The following MID1 variants were observed in gnomAD, a reference collection of about 807,000 sequenced individuals.
The protein encoded by MID1 is E3 ubiquitin-protein ligase Midline-1.
Under a neutral mutation model 40.4 loss-of-function variants are expected in MID1, and 7 were observed. The observed-to-expected ratio is 0.17, with a 90% confidence interval of 0.10 to 0.33. The LOEUF (loss-of-function observed/expected upper bound fraction) is 0.33. Among genes scored for constraint, MID1 ranks in the 10% least tolerant of loss-of-function variants. The probability of loss-of-function intolerance (pLI) is 1.00; values close to 1 mark genes in which losing one functional copy is unlikely to be tolerated. For synonymous variants in MID1, 229 were observed against 221.2 expected (o/e 1.04, Z -0.31); for missense variants, 367 against 558.5 (o/e 0.66, Z 3.46).
chrX:10,567,794 A>G (rs1276487543), intron 1 of MID1, among the ~76,000 whole-genome samples, 191 bp from the exon 2 acceptor site: 4 of 111,378 alleles, frequency 3.6e-5, no homozygotes, highest in Non-Finnish European at 7.5e-5. Context: ...ATCATATACC[A>G]GTTAACATTT....
chrX:10,801,203 A>T (rs1171956195), intron 1 of MID1, among the ~76,000 whole-genome samples: 2 of 112,071 alleles, frequency 1.8e-5, no homozygotes, highest in Non-Finnish European at 3.8e-5. Flanking sequence ...GAAGTAAAAA[A>T]AAATACTTCT....
At chrX:10,730,094 A>T (rs922876763) in intron 1 of MID1, among the ~76,000 whole-genome samples, 1 of 106,647 alleles carries the variant, frequency 9.4e-6, no homozygotes, top group East Asian at 2.9e-4. Context: ...AAAAAAAAAA[A>T]AATAAATAAA....
intron 1 of MID1, among the ~76,000 whole-genome samples, chrX:10,663,474 C>T (rs1391375906): frequency 8.9e-6 from 1 of 112,203 alleles, no homozygotes; most frequent in African/African-American, 3.2e-5. Flanking sequence ...GAGCTGAATA[C>T]TATCCGGTTG....
At chrX:10,692,286 C>T (rs1156372333) in intron 1 of MID1, among the ~76,000 whole-genome samples, 1 of 111,193 alleles carries the variant, frequency 9.0e-6, no homozygotes, top group Admixed American at 9.6e-5. Context: ...TGAGATGGCA[C>T]CCCTGGAGGC....
chrX:10,471,775 A>G (rs1357879502), intron 6 of MID1, among the ~76,000 whole-genome samples: 1 of 112,432 alleles, frequency 8.9e-6, no homozygotes, highest in Non-Finnish European at 1.9e-5. Flanking sequence ...TTATTTCTCC[A>G]TCAACCATTG....
chrX:10,575,445 C>T (rs1019712929), intron 1 of MID1, among the ~76,000 whole-genome samples: 1 of 112,118 alleles, frequency 8.9e-6, no homozygotes, highest in Non-Finnish European at 1.9e-5. Context: ...AACTCAAAAA[C>T]TTGTCTAACA....
At chrX:10,703,471 G>T (rs988761448) in intron 1 of MID1, among the ~76,000 whole-genome samples, 5 of 111,427 alleles carry the variant, frequency 4.5e-5, no homozygotes, top group Non-Finnish European at 9.4e-5. Flanking sequence ...TTCGAGACCA[G>T]CCTGGCCAAC....
intron 1 of MID1, among the ~76,000 whole-genome samples, chrX:10,711,587 A>C (rs932501672): frequency 8.9e-6 from 1 of 112,226 alleles, no homozygotes; most frequent in Non-Finnish European, 1.9e-5. Context: ...CTGTATTTCA[A>C]TTGTGGTTTT....
intron 1 of MID1, among the ~76,000 whole-genome samples, chrX:10,723,950 C>T (rs773914829): frequency 2.7e-5 from 3 of 112,806 alleles, no homozygotes; most frequent in Non-Finnish European, 5.6e-5. Flanking sequence ...TAAAAGGAGA[C>T]TGTAGCCATG....
At chrX:10,664,255 G>A (rs1002886022) in intron 1 of MID1, among the ~76,000 whole-genome samples, 17 of 110,717 alleles carry the variant, frequency 1.5e-4, no homozygotes, top group African/African-American at 5.0e-4. Context: ...TCCACCTCCC[G>A]GGTTCAAGCG....
At chrX:10,819,816 A>G (rs2044162885) in intron 1 of MID1, among the ~76,000 whole-genome samples, 1 of 111,800 alleles carries the variant, frequency 8.9e-6, no homozygotes, top group South Asian at 3.7e-4. Context: ...TTTATTGACT[A>G]TGAGAGTAAT....
intron 1 of MID1, among the ~76,000 whole-genome samples, chrX:10,825,577 G>C (rs750240562): frequency 8.9e-6 from 1 of 111,809 alleles, no homozygotes; most frequent in East Asian, 2.8e-4. Context: ...AAATCCTATA[G>C]TCCTCTTAGA....
intron 1 of MID1, among the ~76,000 whole-genome samples, chrX:10,728,644 G>C (rs1438622938): frequency 8.9e-6 from 1 of 112,242 alleles, no homozygotes; most frequent in Non-Finnish European, 1.9e-5. Context: ...AGATCCGTTG[G>C]AAAGGCTATT....
rs1366395442 is a variant in MID1 at position 10,447,794 on chromosome X, A to C, written c.*1574T>G. The C allele has an allele frequency of 8.9e-6, 1 of 112,286 alleles. No homozygotes were observed. The highest frequency in any genetic ancestry group is 1.9e-5 in the Non-Finnish European group (1 of 53,305). The allele number at this position is 112,286 out of a possible 1,213,427, so 9.3% of individuals were successfully genotyped here. Reference sequence around the variant, plus strand: ...ATGACCTTTGGCCACGTGATGCTGAAACAATGAGTTCATTGACTTATTTCA... The same window carrying C: ...ATGACCTTTGGCCACGTGATGCTGACACAATGAGTTCATTGACTTATTTCA... On this transcript the variant is annotated 3_prime_UTR_variant, in exon 10 of 10. Transcript: ENST00000317552.
intron 1 of MID1, among the ~76,000 whole-genome samples, chrX:10,709,665 G>A (rs759392822): frequency 1.4e-4 from 16 of 112,392 alleles, no homozygotes; most frequent in South Asian, 3.7e-4. Context: ...ATTCACTTAC[G>A]TGGTACAGAA....
chrX:10,751,138 C>T (rs2043595577), intron 1 of MID1, among the ~76,000 whole-genome samples: 1 of 108,820 alleles, frequency 9.2e-6, no homozygotes, highest in Non-Finnish European at 1.9e-5. Context: ...GTTGGCGCAC[C>T]CCAGTAATTC....
intron 1 of MID1, among the ~76,000 whole-genome samples, chrX:10,765,926 AGG>A (rs2147123431): frequency 1.1e-5 from 1 of 90,631 alleles, no homozygotes; most frequent in African/African-American, 5.0e-5. Context: ...AAAGAAAGAA[AGG>A]AAAGGAAAGG....
intron 1 of MID1, among the ~76,000 whole-genome samples, chrX:10,635,019 G>T (rs1223532008): frequency 2.7e-5 from 3 of 112,383 alleles, no homozygotes; most frequent in Non-Finnish European, 3.8e-5. Context: ...TATTCAGGAA[G>T]TCGACTGTCA....
intron 1 of MID1, among the ~76,000 whole-genome samples, chrX:10,664,637 A>G (rs755648513): frequency 2.7e-5 from 3 of 112,590 alleles, no homozygotes; most frequent in Non-Finnish European, 5.6e-5. Flanking sequence ...TCGTTGGATC[A>G]TATGGTAACC....
Sources: gnomAD v4.1 joint callset for allele counts (sites outside exome capture counted in the v4.1 genomes callset) on GRCh38, gnomAD v4.1.1 for gene constraint, MANE v1.5 for transcripts, NCBI Gene and HGNC (gene_info 2026-07-23, HGNC 2026-07-21) for gene names.